The following GSE1 variants were observed in gnomAD, a reference collection of about 807,000 sequenced individuals.
GSE1 encodes Gse1 coiled-coil protein.
In GSE1, 32 loss-of-function variants were observed where a neutral mutation model predicts 112.6. The ratio of observed to expected loss-of-function variants is 0.28; its 90% CI spans 0.21 to 0.38. The LOEUF is 0.38. Among genes scored for constraint, GSE1 ranks in the 10% least tolerant of loss-of-function variants. The pLI, the probability that GSE1 is intolerant of heterozygous loss-of-function variation, is 1.00. For synonymous variants in GSE1, 1,115 were observed against 735.6 expected, an observed-to-expected ratio of 1.52 and a Z score of -8.35; for missense variants, 2,348 against 1,699.2, an observed-to-expected ratio of 1.38 and a Z score of -6.71.
rs11642920 is a variant in GSE1 at position 85,177,946 on chromosome 16, A to T, written c.2283+6139A>T. 4.6e-5 allele frequency among the ~76,000 whole-genome samples: 7 copies of T among 152,078 alleles called. No individual in the cohort carries two copies. The East Asian group carries it at 9.7e-4, about 21-fold the overall frequency. ...CTCATCCATATCTACCTTGGAGAAG[A>T]GCACCCATATTCTACCCACTAACTG... On this transcript the variant is annotated intron_variant, in intron 1 of 2. Coordinates refer to the GSE1 transcript ENST00000637419.
intron 1 of GSE1, among the ~76,000 whole-genome samples, chr16:85,283,825 C>A: frequency 6.6e-6 from 1 of 152,200 alleles, no homozygotes; most frequent in Non-Finnish European, 1.5e-5. Context: ...GATGAGGAAA[C>A]TGAGGCCCAG....
chr16:85,585,657 C>G (rs2046658316), intron 1 of GSE1, among the ~76,000 whole-genome samples: 1 of 152,254 alleles, frequency 6.6e-6, no homozygotes. Context: ...GGGGCCCATC[C>G]TGGTTCTGGA....
intron 2 of GSE1, among the ~76,000 whole-genome samples, chr16:85,507,887 A>G (rs1395179317): frequency 6.6e-6 from 1 of 152,202 alleles, no homozygotes; most frequent in Non-Finnish European, 1.5e-5. Context: ...ATTCATCAGA[A>G]GAGTTGCGAG....
intron 1 of GSE1, among the ~76,000 whole-genome samples, chr16:85,279,964 T>C (rs2044807158): frequency 6.6e-6 from 1 of 152,218 alleles, no homozygotes; most frequent in South Asian, 2.1e-4. Flanking sequence ...ATCAGTGAAA[T>C]TACTCAGTTC....
At chr16:85,652,150 T>C (rs12447772) in intron 3 of GSE1, among the ~76,000 whole-genome samples, 106,004 of 152,190 alleles carry the variant, frequency 0.7, 37,132 homozygotes, top group East Asian at 0.91. Flanking sequence ...CCATCAACTC[T>C]GCTGCCCTGT....
intron 1 of GSE1, among the ~76,000 whole-genome samples, chr16:85,198,149 C>T (rs1488394311): frequency 1.3e-5 from 2 of 152,128 alleles, no homozygotes; most frequent in African/African-American, 4.8e-5. Context: ...GAAGGAAGAT[C>T]AGAAGCCCTG....
At chr16:85,596,093 C>T (rs1276637640) in intron 1 of GSE1, among the ~76,000 whole-genome samples, 1 of 151,786 alleles carries the variant, frequency 6.6e-6, no homozygotes, top group African/African-American at 2.4e-5. Flanking sequence ...CCCATGCACT[C>T]ATCCACTGTC....
intron 9 of GSE1, chr16:85,662,752 C>T: frequency 1.9e-6 from 1 of 532,514 alleles, no homozygotes; most frequent in Non-Finnish European, 3.3e-6. Flanking sequence ...GACCACCCAG[C>T]TACTGGGAGC....
intron 1 of GSE1, chr16:85,284,965 C>T (rs1481809501): frequency 1.3e-5 from 2 of 152,176 alleles, no homozygotes; most frequent in South Asian, 2.1e-4. Flanking sequence ...AGAAAATCGC[C>T]GCTTACAAAT....
intron 1 of GSE1, among the ~76,000 whole-genome samples, chr16:85,568,638 G>T (rs1204662376): frequency 1.3e-5 from 2 of 152,310 alleles, no homozygotes; most frequent in East Asian, 3.9e-4. Context: ...TCGTGACCCA[G>T]ATACGGGCTT....
chr16:85,507,902 C>T (rs368261315), intron 2 of GSE1, among the ~76,000 whole-genome samples: 31 of 152,320 alleles, frequency 2.0e-4, no homozygotes, highest in Middle Eastern at 6.8e-3. Context: ...TGCGAGCACA[C>T]GCCTCGTGTG....
At chr16:85,183,953 C>A (rs73260324) in intron 1 of GSE1, among the ~76,000 whole-genome samples, 5,961 of 152,254 alleles carry the variant, frequency 0.039, 376 homozygotes, top group African/African-American at 0.14. Context: ...CTGCACAGAC[C>A]AAGCTCCCAG....
chr16:85,638,458 C>T (rs768489497), intron 2 of GSE1, among the ~76,000 whole-genome samples: 8 of 152,336 alleles, frequency 5.3e-5, no homozygotes, highest in South Asian at 4.1e-4. Context: ...TGCGAATCGC[C>T]GATGCATGCC....
chr16:85,291,286 C>G (rs1384635574), intron 1 of GSE1, among the ~76,000 whole-genome samples: 1 of 152,186 alleles, frequency 6.6e-6, no homozygotes, highest in Non-Finnish European at 1.5e-5. Context: ...TCCCTCCTCA[C>G]CCTCCTCCTC....
intron 2 of GSE1, among the ~76,000 whole-genome samples, chr16:85,364,262 C>T (rs1329275669): frequency 6.6e-6 from 1 of 152,194 alleles, no homozygotes; most frequent in Non-Finnish European, 1.5e-5. Context: ...TTCCGGGTGG[C>T]ACCTCCTTCT....
At chr16:85,223,643 C>T (rs1286182139) in intron 1 of GSE1, among the ~76,000 whole-genome samples, 1 of 151,916 alleles carries the variant, frequency 6.6e-6, no homozygotes, top group Non-Finnish European at 1.5e-5. Flanking sequence ...CTCGCTCTGT[C>T]GCCCAGGCTG....
chr16:85,171,379 A>G, exon 1 of GSE1: 1 of 985,548 alleles, frequency 1.0e-6, no homozygotes. Flanking sequence ...CTTGGGCGAG[A>G]AGGAGCCCTT....
intron 1 of GSE1, among the ~76,000 whole-genome samples, chr16:85,271,289 C>A (rs947714180): frequency 2.6e-5 from 4 of 152,190 alleles, no homozygotes; most frequent in Admixed American, 6.5e-5. Context: ...CACCCTCTCT[C>A]CCAGCCTCTT....
intron 2 of GSE1, among the ~76,000 whole-genome samples, chr16:85,365,154 C>G (rs1425007359): frequency 6.6e-6 from 1 of 152,210 alleles, no homozygotes; most frequent in Non-Finnish European, 1.5e-5. Flanking sequence ...CAGAGCTCCT[C>G]TGGGACAGGG....
Sources: gnomAD v4.1 joint callset for allele counts (sites outside exome capture counted in the v4.1 genomes callset) on GRCh38, gnomAD v4.1.1 for gene constraint, MANE v1.5 for transcripts, NCBI Gene and HGNC (gene_info 2026-07-23, HGNC 2026-07-21) for gene names.